The following GSDMC variants were observed in gnomAD, a reference collection of about 807,000 sequenced individuals.
GSDMC encodes the protein gasdermin C.
GSDMC carries 59 observed loss-of-function variants against 58.0 expected under a neutral mutation model. The ratio of observed to expected loss-of-function variants is 1.02; its 90% CI spans 0.82 to 1.26. GSDMC has a LOEUF of 1.26. Among genes scored for constraint, GSDMC ranks in the 50% most tolerant of loss-of-function variants. The pLI is 0.00. For missense variants in GSDMC, 659 were observed against 598.5 expected (o/e 1.10, Z -1.06); for synonymous variants, 241 against 220.2 (o/e 1.09, Z -0.83).
chr8:129,757,816 C>A (rs1454722537), intron 6 of GSDMC, among the ~76,000 whole-genome samples: 3 of 152,034 alleles, frequency 2.0e-5, no homozygotes, highest in Non-Finnish European at 4.4e-5. Context: ...CATGGTGAGA[C>A]CATGTCTCTA....
intron 10 of GSDMC, 80 bp downstream of exon 10, chr8:129,751,462 G>C (rs9297800): frequency 0.2 from 241,915 of 1,186,396 alleles, 27,064 homozygotes; most frequent in Non-Finnish European, 0.23. Flanking sequence ...TTTCTGACTT[G>C]CATAGAAACC....
chr8:129,709,466 T>C, the GSDMC span, among the ~76,000 whole-genome samples: 4 of 145,340 alleles, frequency 2.8e-5, no homozygotes, highest in African/African-American at 1.1e-4. Context: ...AGATGATAGA[T>C]GATAGATAGA....
chr8:129,762,788 T>C lies in GSDMC; in HGVS notation c.571-57A>G. 2.5e-6 allele frequency: 3 copies of C among 1,215,740 alleles called. No homozygotes were observed. The South Asian group carries it at 3.7e-5, about 15-fold the overall frequency. The allele number at this position is 1,215,740 out of a possible 1,614,324, so 75.3% of individuals were successfully genotyped here. ...AATGTATGTAATTTTAAAGGTCAGA[T>C]GGCTCTAGAAAGCTCATTAGGAAAA... On this transcript the variant is annotated intron_variant, in intron 4 of 13. Transcript: ENST00000276708.
At chr8:129,741,109 C>T in the GSDMC span, among the ~76,000 whole-genome samples, 1,663 of 152,040 alleles carry the variant, frequency 0.011, 24 homozygotes, top group African/African-American at 0.038. Flanking sequence ...TTGTTCTTTC[C>T]CCATTACGCA....
chr8:129,776,670 C>G (rs762996499), intron 2 of GSDMC, among the ~76,000 whole-genome samples: 4 of 152,186 alleles, frequency 2.6e-5, no homozygotes, highest in Non-Finnish European at 5.9e-5. Flanking sequence ...TGGAGCCAGA[C>G]AGACCTGGGT....
intron 1 of GSDMC, among the ~76,000 whole-genome samples, chr8:129,783,504 A>G (rs543528329): frequency 1.3e-5 from 2 of 152,300 alleles, no homozygotes; most frequent in South Asian, 2.1e-4. Context: ...AGCTACAAAT[A>G]AAATTAAATT....
At chr8:129,730,562 A>C in the GSDMC span, 1 of 330,116 alleles carries the variant, frequency 3.0e-6, no homozygotes, top group Non-Finnish European at 5.2e-6. Context: ...GTTGGAAGAA[A>C]TATGCGTATT....
chr8:129,766,316 G>A (rs1157209280), intron 3 of GSDMC, among the ~76,000 whole-genome samples: 1 of 152,186 alleles, frequency 6.6e-6, no homozygotes, highest in African/African-American at 2.4e-5. Flanking sequence ...TGGTAGGGCT[G>A]ACTTGATGAT....
At chr8:129,763,895 T>C (rs1281239653) in intron 4 of GSDMC, among the ~76,000 whole-genome samples, 1 of 152,154 alleles carries the variant, frequency 6.6e-6, no homozygotes, top group Non-Finnish European at 1.5e-5. Flanking sequence ...ATTTTTTTAA[T>C]GAATATTCTC....
In GSDMC at chr8:129,786,373, A is replaced by G. The variant is rs1257537087; in HGVS notation, c.-367T>C. 6.6e-6 allele frequency: 1 copy of G among 151,882 alleles called. No individual in the cohort carries two copies. The highest frequency in any genetic ancestry group is 1.5e-5 in the Non-Finnish European group (1 of 68,024). The allele number at this position is 151,882 out of a possible 1,614,324, so 9.4% of individuals were successfully genotyped here. A position where few individuals can be genotyped will look rare whatever the true frequency, so the allele number is the denominator to read the frequency against. ...GCACAATTGAGTAGGGCCCCTTCCAATCTTCAGACCTCCTGCGGTCAAGTA... is the reference window on the plus strand; with the variant it reads ...GCACAATTGAGTAGGGCCCCTTCCAGTCTTCAGACCTCCTGCGGTCAAGTA... On this transcript the variant is annotated 5_prime_UTR_variant, in exon 1 of 14. Coordinates refer to ENST00000276708, the MANE Select transcript of GSDMC (RefSeq NM_031415.3).
intron 10 of GSDMC, among the ~76,000 whole-genome samples, chr8:129,751,239 C>T (rs2033177843): frequency 6.6e-6 from 1 of 152,264 alleles, no homozygotes; most frequent in African/African-American, 2.4e-5. Flanking sequence ...ATGCTGGGGG[C>T]CCTCTGTCTC....
At chr8:129,746,658 C>T (rs976664432), downstream of GSDMC, among the ~76,000 whole-genome samples, 2 of 152,184 alleles carry the variant, frequency 1.3e-5, no homozygotes, top group African/African-American at 4.8e-5. Context: ...AAGAATTCTT[C>T]AGGCATACAT....
intron 6 of GSDMC, among the ~76,000 whole-genome samples, chr8:129,757,879 CT>C (rs2033504734): frequency 6.6e-6 from 1 of 152,026 alleles, no homozygotes; most frequent in African/African-American, 2.4e-5. Flanking sequence ...GTAGTCCTAG[CT>C]ACTTGGGGGC....
At chr8:129,741,931 TATATATAC>T in the GSDMC span, among the ~76,000 whole-genome samples, 11 of 145,940 alleles carry the variant, frequency 7.5e-5, no homozygotes, top group African/African-American at 2.9e-4. Context: ...TATATATATA[TATATATAC>T]ATGAAATAAT....
intron 2 of GSDMC, 151 bp from the exon 3 acceptor site, chr8:129,776,436 C>A: frequency 3.5e-6 from 2 of 569,060 alleles, no homozygotes; most frequent in Non-Finnish European, 6.2e-6. Context: ...GAAAACTAAT[C>A]CATTAATGTT....
At chr8:129,739,229 G>C in the GSDMC span, among the ~76,000 whole-genome samples, 6 of 152,116 alleles carry the variant, frequency 3.9e-5, no homozygotes, top group South Asian at 1.2e-3. Context: ...GAGGGCTTAA[G>C]GGACAGCAAG....
Position 129,748,365 on chromosome 8 carries a change from T to C in GSDMC, c.*136A>G. On this transcript the variant is annotated 3_prime_UTR_variant, in exon 14 of 14. Coordinates refer to ENST00000276708, the MANE Select transcript of GSDMC (RefSeq NM_031415.3). The stretch of plus-strand genomic sequence containing the variant: ...CACCACCCCAAAACATTTCCTAAAG[T>C]CTCTACCCATTACTGTCTCTACTCC... 1 of 759,568 alleles carries C rather than the reference T, an allele frequency of 1.3e-6. No homozygotes were observed. The highest frequency in any genetic ancestry group is 2.9e-5 in the East Asian group (1 of 34,630). The allele number at this position is 759,568 out of a possible 1,614,324, so 47.1% of individuals were successfully genotyped here.
chr8:129,775,117 T>C (rs1187448068), intron 3 of GSDMC, among the ~76,000 whole-genome samples: 1 of 152,234 alleles, frequency 6.6e-6, no homozygotes. Flanking sequence ...TGCACTTCCA[T>C]GTTCATTGCA....
chr8:129,748,614 C>T lies in GSDMC; in HGVS notation c.1414G>A (p.Gly472Ser). ...GGGTTATCCAGCTCCATCCTAAGGC[C>T]ACACTCCTCCAGCAGGCCATAGGTG... ...AITYGLLEEC[G>S]LRMELDNPRS... Residue 472 changes from glycine to serine, a missense_variant, in exon 14 of 14, where the codon GGC becomes AGC. Gly to Ser is a moderately conservative substitution (Grantham distance 56). Coordinates refer to ENST00000276708, the MANE Select transcript of GSDMC (RefSeq NM_031415.3). The T allele has an allele frequency of 6.2e-7, 1 of 1,613,328 alleles. No individual in the cohort carries two copies. The highest frequency in any genetic ancestry group is 1.1e-5 in the South Asian group (1 of 90,898).
Sources: allele counts gnomAD v4.1 joint callset (sites outside exome capture counted in the v4.1 genomes callset), GRCh38; gene constraint gnomAD v4.1.1; transcripts MANE v1.5; gene names NCBI Gene and HGNC (gene_info 2026-07-23, HGNC 2026-07-21).